Variants in HHIPL1 observed in about 807,000 individuals in gnomAD.
HHIPL1 encodes the protein HHIP-like protein 1.
HHIPL1 carries 43 observed loss-of-function variants against 61.8 expected under a neutral mutation model. That is an observed-to-expected ratio of 0.70 (90% confidence interval 0.55 to 0.90). HHIPL1 has a LOEUF of 0.90. HHIPL1 is among the 40% of genes least tolerant of loss of function. The pLI is 0.00. For synonymous variants in HHIPL1, 482 were observed against 515.8 expected (o/e 0.93, Z 0.89); for missense variants, 1,056 against 1,157.7 (o/e 0.91, Z 1.28).
chr14:99,604,883 C>T, the HHIPL1 span, among the ~76,000 whole-genome samples: 1 of 152,096 alleles, frequency 6.6e-6, no homozygotes, highest in East Asian at 1.9e-4. Context: ...TCTTTGTCCC[C>T]TTCCCTGCCC....
intron 6 of HHIPL1, among the ~76,000 whole-genome samples, chr14:99,665,907 G>A (rs754240279): frequency 2.6e-4 from 39 of 152,074 alleles, no homozygotes; most frequent in Non-Finnish European, 5.0e-4. Context: ...TCAGCCTCCC[G>A]AGTAGCTAGG....
chr14:99,643,631 G>T (rs996473022), upstream of HHIPL1, among the ~76,000 whole-genome samples: 1 of 152,176 alleles, frequency 6.6e-6, no homozygotes, highest in Non-Finnish European at 1.5e-5. Flanking sequence ...AGGCGCCATC[G>T]TGCCCTCCGA....
Position 99,660,669 on chromosome 14 carries a change from G to A in HHIPL1, c.1502+263G>A, listed in dbSNP as rs78948456. 0.024 allele frequency among the ~76,000 whole-genome samples: 3,711 copies of A among 152,264 alleles called. 147 individuals are homozygous for A. The highest frequency in any genetic ancestry group is 0.084 in the African/African-American group (3,489 of 41,544). ...AAAGACTGGAGGCTTGCTTAAGTGCGGGTCCCGTGGTCTTCCTCTCCCTCC... is the reference window on the plus strand; with the variant it reads ...AAAGACTGGAGGCTTGCTTAAGTGCAGGTCCCGTGGTCTTCCTCTCCCTCC... On this transcript the variant is annotated intron_variant, in intron 5 of 8. Coordinates refer to ENST00000330710, the MANE Select transcript of HHIPL1 (RefSeq NM_001127258.3). This position sits in a 1 kb window ranked among gnomAD's most constrained non-coding sequence, Gnocchi z 4.9.
chr14:99,645,919 C>T lies in HHIPL1; in HGVS notation c.255+457C>T, dbSNP rs183199416. On this transcript the variant is annotated intron_variant, in intron 1 of 8. Transcript: ENST00000330710. ...CAGGGGGCCCTGGCGTGGGCGTGGTCAACGTGTGGCCCGGGTTTGTTGAGG... is the reference window on the plus strand; with the variant it reads ...CAGGGGGCCCTGGCGTGGGCGTGGTTAACGTGTGGCCCGGGTTTGTTGAGG... 1.9e-3 allele frequency among the ~76,000 whole-genome samples: 285 copies of T among 152,306 alleles called. 2 individuals carry two copies. The highest frequency in any genetic ancestry group is 5.9e-3 in the African/African-American group (247 of 41,564).
chr14:99,619,259 G>A, the HHIPL1 span, among the ~76,000 whole-genome samples: 6 of 152,100 alleles, frequency 3.9e-5, no homozygotes, highest in Middle Eastern at 3.4e-3. Flanking sequence ...TCAGGAGTTC[G>A]AAACCAGCCT....
chr14:99,604,947 G>T, the HHIPL1 span, among the ~76,000 whole-genome samples: 1 of 152,196 alleles, frequency 6.6e-6, no homozygotes, highest in Non-Finnish European at 1.5e-5. Context: ...GCACGCGGCG[G>T]GGCTGCGTCT....
At chr14:99,643,892 T>C (rs762935651), upstream of HHIPL1, among the ~76,000 whole-genome samples, 95 of 152,222 alleles carry the variant, frequency 6.2e-4, no homozygotes, top group Non-Finnish European at 1.2e-3. Context: ...CCATAGCTCC[T>C]TGGCTCCAGT....
the HHIPL1 span, among the ~76,000 whole-genome samples, chr14:99,615,121 A>T: frequency 6.6e-6 from 1 of 152,206 alleles, no homozygotes; most frequent in African/African-American, 2.4e-5. Context: ...ATGTCTCAGC[A>T]TCCTGAAGGA....
the HHIPL1 span, among the ~76,000 whole-genome samples, chr14:99,617,394 A>G: frequency 6.6e-6 from 1 of 152,208 alleles, no homozygotes; most frequent in Non-Finnish European, 1.5e-5. Context: ...ATCTGTCACC[A>G]TGAGAAAGCA....
the HHIPL1 span, among the ~76,000 whole-genome samples, chr14:99,630,111 G>A: frequency 2.8e-4 from 42 of 152,354 alleles, no homozygotes; most frequent in African/African-American, 9.4e-4. Context: ...CTGTAGGAAA[G>A]CTAGTATTGG....
At chr14:99,634,908 C>A in the HHIPL1 span, among the ~76,000 whole-genome samples, 4 of 152,180 alleles carry the variant, frequency 2.6e-5, no homozygotes, top group Non-Finnish European at 5.9e-5. Flanking sequence ...ACTTCAAACA[C>A]ACACAGACTG....
the HHIPL1 span, among the ~76,000 whole-genome samples, chr14:99,635,487 T>C: frequency 2.0e-5 from 3 of 152,082 alleles, no homozygotes; most frequent in Non-Finnish European, 2.9e-5. Context: ...CACAGGAAAG[T>C]GGGGCTGGGC....
the HHIPL1 span, among the ~76,000 whole-genome samples, chr14:99,611,893 T>C: frequency 6.6e-6 from 1 of 152,168 alleles, no homozygotes; most frequent in Non-Finnish European, 1.5e-5. Flanking sequence ...GCCAAAGTGC[T>C]TTCCAAAGAG....
the HHIPL1 span, among the ~76,000 whole-genome samples, chr14:99,608,224 AGAG>A: frequency 0.029 from 4,424 of 152,262 alleles, 91 homozygotes; most frequent in Non-Finnish European, 0.042. Context: ...GGAGCTGGGC[AGAG>A]GAGGGCTTTG....
At chr14:99,626,677 A>T in the HHIPL1 span, among the ~76,000 whole-genome samples, 1 of 152,198 alleles carries the variant, frequency 6.6e-6, no homozygotes, top group South Asian at 2.1e-4. Context: ...GCAGTATTCT[A>T]GGTCCTGGGG....
Position 99,656,997 on chromosome 14 carries a change from T to C in HHIPL1, c.903-3T>C, listed in dbSNP as rs999737966. 1.1e-5 allele frequency: 17 copies of C among 1,600,288 alleles called. No individual in the cohort carries two copies. Among genetic ancestry groups the C allele is most frequent in the Non-Finnish European group, 1.4e-5 (17 of 1,173,364 alleles). ...AGTTTTAGGGGCCCTTATCTTCCTTTAGGATAATCCTGGAGGTCAAAGAAC... is the reference window on the plus strand; with the variant it reads ...AGTTTTAGGGGCCCTTATCTTCCTTCAGGATAATCCTGGAGGTCAAAGAAC... On this transcript the variant is annotated splice_polypyrimidine_tract_variant and splice_region_variant and intron_variant, in intron 2 of 8. Transcript: ENST00000330710.
At chr14:99,621,037 T>C in the HHIPL1 span, among the ~76,000 whole-genome samples, 1 of 152,184 alleles carries the variant, frequency 6.6e-6, no homozygotes, top group Admixed American at 6.5e-5. Context: ...ATAGAGGAAG[T>C]GCTTGCTGTG....
chr14:99,662,786 C>CATGGATGG (rs370684067), intron 5 of HHIPL1, 90 bp from the exon 6 acceptor site: 5 of 1,213,132 alleles, frequency 4.1e-6, no homozygotes, highest in Non-Finnish European at 5.8e-6. Context: ...GGAATGGATA[C>CATGGATGG]ATGGATGGAT....
the HHIPL1 span, among the ~76,000 whole-genome samples, chr14:99,614,936 A>G: frequency 1.3e-5 from 2 of 152,178 alleles, no homozygotes; most frequent in Non-Finnish European, 2.9e-5. Flanking sequence ...TCTCTCCATA[A>G]AAAGGGCCAG....
Sources: gnomAD v4.1 joint callset for allele counts (sites outside exome capture counted in the v4.1 genomes callset) on GRCh38, gnomAD v4.1.1 for gene constraint, Gnocchi (gnomAD v3.1) non-coding constraint, MANE v1.5 for transcripts, NCBI Gene and HGNC (gene_info 2026-07-23, HGNC 2026-07-21) for gene names.